The following KMT2A variants were observed in gnomAD, a reference collection of about 807,000 sequenced individuals.
KMT2A encodes the protein lysine methyltransferase 2A.
In KMT2A, 16 loss-of-function variants were observed where a neutral mutation model predicts 345.3. The ratio of observed to expected loss-of-function variants is 0.05; its 90% CI spans 0.03 to 0.07. The LOEUF (loss-of-function observed/expected upper bound fraction) is 0.07. Ranked by LOEUF, KMT2A falls within the 10% of genes least tolerant of loss-of-function variation. The probability of loss-of-function intolerance (pLI) is 1.00; values close to 1 mark genes in which losing one functional copy is unlikely to be tolerated. For missense variants in KMT2A, 3,272 were observed against 4,841.6 expected (o/e 0.68, Z 9.62); for synonymous variants, 1,599 against 1,778.6 (o/e 0.90, Z 2.54).
rs200698383 is a variant in KMT2A, at chr11:118,471,948, G to A, written c.789G>A (p.Thr263=). ...AAATTAAAAGGACACCTTCTGCTAC[G>A]TTTCAGCAAGCCACAAAGATTAAAA... ...LKKIKRTPSA[T]FQQATKIKKL... Residue 263 remains threonine (T), a synonymous_variant, in exon 3 of 36, where the codon ACG becomes ACA. Coordinates refer to ENST00000534358, the MANE Select transcript of KMT2A (RefSeq NM_001197104.2). The A allele has an allele frequency of 1.4e-5, 23 of 1,614,060 alleles. No homozygotes were observed. Among genetic ancestry groups the A allele is most frequent in the East Asian group, 8.9e-5 (4 of 44,884 alleles).
At chr11:118,480,055 A>G (rs992290983) in intron 5 of KMT2A, 119 bp from the exon 6 acceptor site, 4 of 753,392 alleles carry the variant, frequency 5.3e-6, no homozygotes, top group Non-Finnish European at 8.8e-6. Context: ...CCTTTTTTCA[A>G]CTATAAAAAT....
rs1176610217 is a variant in KMT2A, at chr11:118,522,309, T to C, written c.*137T>C. ...GGCCTCTGTGATGGCTGAGCTCTCTTATGTCCTATACTCACATCAGACATG... is the reference window on the plus strand; with the variant it reads ...GGCCTCTGTGATGGCTGAGCTCTCTCATGTCCTATACTCACATCAGACATG... On this transcript the variant is annotated 3_prime_UTR_variant, in exon 36 of 36. Coordinates refer to ENST00000534358, the MANE Select transcript of KMT2A (RefSeq NM_001197104.2). The surrounding 1 kb of genome is among the most constrained non-coding windows in gnomAD (Gnocchi z 5.4). The C allele has an allele frequency of 4.0e-6, 3 of 744,600 alleles. No individual in the cohort carries two copies. Among genetic ancestry groups the C allele is most frequent in the Non-Finnish European group, 4.4e-6 (2 of 452,506 alleles). 46.1% of individuals were successfully genotyped at this position (744,600 alleles called of 1,614,324 possible). A position where few individuals can be genotyped will look rare whatever the true frequency, so the allele number is the denominator to read the frequency against.
At chr11:118,467,155 T>A (rs1373252242) in intron 1 of KMT2A, among the ~76,000 whole-genome samples, 5 of 152,116 alleles carry the variant, frequency 3.3e-5, no homozygotes, top group African/African-American at 1.2e-4. Flanking sequence ...GGTGGGCAGA[T>A]CACTTGAGGT....
chr11:118,502,904 G>T lies in KMT2A; in HGVS notation c.7012G>T (p.Val2338Phe), dbSNP rs1555046303. 6.2e-7 allele frequency: 1 copy of T among 1,614,136 alleles called. No individual in the cohort carries two copies. The highest frequency in any genetic ancestry group is 8.5e-7 in the Non-Finnish European group (1 of 1,180,024). ...YPGIPKLAPQ[V>F]HNTTSRELNV... ...TGGAATTCCTAAACTGGCCCCACAG[G>T]TTCATAACACAACATCTAGAGAACT... Residue 2338 changes from valine (V) to phenylalanine (F), a missense_variant, in exon 27 of 36, where the codon GTT (valine) becomes TTT (phenylalanine). Physicochemically the swap from Val to Phe is conservative, Grantham distance 50 (BLOSUM62 -1). Around this residue, in one of 27 missense-constraint regions of KMT2A, gnomAD observed 445 missense variants for 500.9 expected, o/e 0.89. Coordinates refer to ENST00000534358, the MANE Select transcript of KMT2A (RefSeq NM_001197104.2). This position sits in a 1 kb window ranked among gnomAD's most constrained non-coding sequence, Gnocchi z 4.9.
intron 3 of KMT2A, 55 bp downstream of exon 3, chr11:118,474,370 G>T: frequency 6.4e-7 from 1 of 1,561,336 alleles, no homozygotes; most frequent in East Asian, 2.3e-5. Flanking sequence ...CCCTTTCTAT[G>T]GGCAAGTTTT....
At chr11:118,477,912 A>G in intron 4 of KMT2A, 55 bp from the exon 5 acceptor site, 1 of 1,291,428 alleles carries the variant, frequency 7.7e-7, no homozygotes, top group Non-Finnish European at 1.1e-6. Context: ...GTACCAATTA[A>G]AACCAGGTTT....
rs936614724 is a variant in KMT2A, at chr11:118,505,565, C to T, written c.9673C>T (p.Pro3225Ser). The stretch of plus-strand genomic sequence containing the variant: ...TCCATCCTCTGGACTCAAGAAAAGA[C>T]CCATATCTCGTCTACAGACCCGAAA... Reference protein sequence around the residue: ...ATPSSGLKKRPISRLQTRKNK... With the variant: ...ATPSSGLKKRSISRLQTRKNK... Residue 3225 changes from proline (P) to serine (S), a missense_variant, in exon 27 of 36, where the codon CCC becomes TCC. By Grantham distance (74) the Pro-to-Ser change is moderately conservative. Around this residue, in one of 27 missense-constraint regions of KMT2A, gnomAD observed 748 missense variants for 922.2 expected, o/e 0.81. Transcript: ENST00000534358. This position sits in a 1 kb window ranked among gnomAD's most constrained non-coding sequence, Gnocchi z 4.6. 6 of 1,614,070 alleles carry T rather than the reference C, an allele frequency of 3.7e-6. No individual in the cohort carries two copies. The highest frequency in any genetic ancestry group is 5.1e-6 in the Non-Finnish European group (6 of 1,180,040).
chr11:118,449,772 C>G (rs1443920873), intron 1 of KMT2A: 1 of 152,136 alleles, frequency 6.6e-6, no homozygotes, highest in African/African-American at 2.4e-5. Flanking sequence ...CTCAGTCTTA[C>G]TCCCATTACT....
chr11:118,514,435 T>G lies in KMT2A; in HGVS notation c.11146+2410T>G, dbSNP rs75559225. Among the ~76,000 whole-genome samples, 410 of 151,108 alleles carry G rather than the reference T, an allele frequency of 2.7e-3. 1 individual carries two copies. The highest frequency in any genetic ancestry group is 9.6e-3 in the African/African-American group (395 of 41,340). ...CTATTTACTGTTCCAGATCCATCCA[T>G]GTGTCTTTTTTTTTTTTTTCTCCAA... On this transcript the variant is annotated intron_variant, in intron 31 of 35. Coordinates refer to ENST00000534358, the MANE Select transcript of KMT2A (RefSeq NM_001197104.2).
chr11:118,474,126 C>A lies in KMT2A; in HGVS notation c.2967C>A (p.Leu989=). 1 of 1,614,220 alleles carries A rather than the reference C, an allele frequency of 6.2e-7. No homozygotes were observed. Among genetic ancestry groups the A allele is most frequent in the Non-Finnish European group, 8.5e-7 (1 of 1,180,024 alleles). The change falls in exon 3 of 36, where the codon CTC becomes CTA. Residue 989 remains leucine (L), a synonymous_variant. Transcript: ENST00000534358. ...TAPSLEKEKT[L]CLSTPSSSTV... ...CATCCCTGGAGAAGGAGAAAACCCTCTGCCTTTCCACTCCTTCATCTAGCA... is the reference window on the plus strand; with the variant it reads ...CATCCCTGGAGAAGGAGAAAACCCTATGCCTTTCCACTCCTTCATCTAGCA...
chr11:118,477,029 GT>G (rs1950049530), intron 4 of KMT2A, 47 bp downstream of exon 4: 2 of 1,594,220 alleles, frequency 1.3e-6, no homozygotes, highest in African/African-American at 1.3e-5. Flanking sequence ...CTTTTGATTT[GT>G]TTGTTGATTA....
chr11:118,478,130 C>T lies in KMT2A; in HGVS notation c.3498C>T (p.Asp1166=), dbSNP rs2134287275. 6.2e-7 allele frequency: 1 copy of T among 1,614,126 alleles called. No individual in the cohort carries two copies. The stretch of plus-strand genomic sequence containing the variant: ...GTCCCGGCTGCCAGGTGCCTGAGGA[C>T]TGTGGTGTTTGTACTAATTGCTTAG... The part of the protein sequence containing the change: ...GQCPGCQVPE[D]CGVCTNCLDK... The change falls in exon 5 of 36, where the codon GAC becomes GAT. Residue 1166 remains aspartate, a synonymous_variant. Transcript: ENST00000534358.
chr11:118,457,753 G>A lies in KMT2A; in HGVS notation c.433-11022G>A, dbSNP rs537751943. On this transcript the variant is annotated intron_variant, in intron 1 of 35. Transcript: ENST00000534358. ...CCCCCCACCAGCTTTATCATCCTTC[G>A]AAAGATTAAGTTTTCATCCTCTCTG... Among the ~76,000 whole-genome samples, 43 of 150,214 alleles carry A rather than the reference G, an allele frequency of 2.9e-4. No homozygotes were observed. The South Asian group carries it at 8.6e-3, about 30-fold the overall frequency.
chr11:118,519,764 G>T lies in KMT2A; in HGVS notation c.11293G>T (p.Gly3765Cys). Residue 3765 changes from glycine to cysteine, a missense_variant, in exon 32 of 36, where the codon GGC (glycine) becomes TGC (cysteine). Gly to Cys is a radical substitution (Grantham distance 159). This residue lies in a region of KMT2A where 72 missense variants were observed against 135.6 expected (regional missense o/e 0.53). Transcript: ENST00000534358. ...EANEPPLNPH[G>C]SARAEVHLRK... ...CAATGAACCCCCCTTGAACCCTCAC[G>T]GCTCAGCCAGGGCTGAAGTCCACCT... is the stretch of plus-strand genomic sequence containing the variant. 6.2e-7 allele frequency: 1 copy of T among 1,613,828 alleles called. No homozygotes were observed. Among genetic ancestry groups the T allele is most frequent in the Non-Finnish European group, 8.5e-7 (1 of 1,179,730 alleles).
chr11:118,510,224 G>A lies in KMT2A; in HGVS notation c.11071+106G>A. ...TTAGGTGGCTGTTTTATGCTAGATG[G>A]TAGGGGGATACCTGGAGGCATCATA... On this transcript the variant is annotated intron_variant, in intron 30 of 35. Coordinates refer to ENST00000534358, the MANE Select transcript of KMT2A (RefSeq NM_001197104.2). The surrounding 1 kb of genome is among the most constrained non-coding windows in gnomAD (Gnocchi z 4.1). The A allele has an allele frequency of 1.2e-6, 1 of 847,568 alleles. No individual in the cohort carries two copies. The highest frequency in any genetic ancestry group is 1.8e-6 in the Non-Finnish European group (1 of 551,180). The allele number at this position is 847,568 out of a possible 1,614,324, so 52.5% of individuals were successfully genotyped here. A position where few individuals can be genotyped will look rare whatever the true frequency, so the allele number is the denominator to read the frequency against.
At position 118,462,064 on chromosome 11, in the gene KMT2A, G is replaced by A. The variant is rs190524628; in HGVS notation, c.433-6711G>A. 4.6e-5 allele frequency among the ~76,000 whole-genome samples: 7 copies of A among 152,018 alleles called. No homozygotes were observed. The East Asian group carries it at 1.4e-3, about 29-fold the overall frequency. On this transcript the variant is annotated intron_variant, in intron 1 of 35. Transcript: ENST00000534358. ...TGCCTCCCAGGTTCAAGTAATTCTC[G>A]TGCCTCAGCCTCCCGAGTAGCTGGG...
rs1555035739 is a variant in KMT2A, at chr11:118,472,149, C to T, written c.990C>T (p.Val330=). 1.9e-6 allele frequency: 3 copies of T among 1,613,894 alleles called. No individual in the cohort carries two copies. In the Admixed American group the frequency reaches 5.0e-5, roughly 27 times the overall value. The change falls in exon 3 of 36, where the codon GTC becomes GTT. Residue 330 remains valine (V), a synonymous_variant. Coordinates refer to ENST00000534358, the MANE Select transcript of KMT2A (RefSeq NM_001197104.2). ...INSELEKPQK[V]RKDKEGTPPL... is the part of the protein sequence containing the mutation. ...CTGAACTGGAAAAGCCCCAGAAAGTCCGGAAAGACAAGGAAGGAACACCTC... is the reference window on the plus strand; with the variant it reads ...CTGAACTGGAAAAGCCCCAGAAAGTTCGGAAAGACAAGGAAGGAACACCTC...
rs782497537 is a variant in KMT2A, at chr11:118,472,132, GAAA to G, written c.975_977del (p.Lys326del). ...GGGTCTCCTCATTAATTCTGAACTG[GAAA>G]AGCCCCAGAAAGTCCGGAAAGACAA... On this transcript the variant is annotated inframe_deletion, in exon 3 of 36. Coordinates refer to ENST00000534358, the MANE Select transcript of KMT2A (RefSeq NM_001197104.2). 8 of 1,613,832 alleles carry G rather than the reference GAAA, an allele frequency of 5.0e-6. No homozygotes were observed. The Admixed American group carries it at 1.3e-4, about 27-fold the overall frequency.
Position 118,504,598 on chromosome 11 carries a change from G to A in KMT2A, c.8706G>A (p.Gln2902=), listed in dbSNP as rs2134400251. 1 of 1,614,168 alleles carries A rather than the reference G, an allele frequency of 6.2e-7. No individual in the cohort carries two copies. Among genetic ancestry groups the A allele is most frequent in the Non-Finnish European group, 8.5e-7 (1 of 1,180,036 alleles). Residue 2902 remains glutamine, a synonymous_variant, in exon 27 of 36, where the codon CAG becomes CAA. Transcript: ENST00000534358. The surrounding 1 kb of genome is among the most constrained non-coding windows in gnomAD (Gnocchi z 6.4). ...TGGGTCTTTTTGAAGTATTTTCTCA[G>A]CAGCTGCCTACAACAGAACCTGTGG... ...KDMGLFEVFS[Q]QLPTTEPVDS...
Sources: gnomAD v4.1 joint callset for allele counts (sites outside exome capture counted in the v4.1 genomes callset) on GRCh38, gnomAD v4.1.1 for gene constraint, gnomAD v4.1.1 regional missense constraint, Gnocchi (gnomAD v3.1) non-coding constraint, MANE v1.5 for transcripts, NCBI Gene and HGNC (gene_info 2026-07-23, HGNC 2026-07-21) for gene names.